Variants in EMILIN1 observed in about 807,000 individuals in gnomAD.
EMILIN1 encodes the protein elastin microfibril interfacer 1, also known as EMILIN-1.
In EMILIN1, 49 loss-of-function variants were observed where a neutral mutation model predicts 82.4. That is an observed-to-expected ratio of 0.59 (90% CI 0.47 to 0.75). The LOEUF is 0.75. EMILIN1 is among the 30% of genes least tolerant of loss of function. EMILIN1 has a pLI of 0.00. For missense variants in EMILIN1, 1,313 were observed against 1,366.4 expected (o/e 0.96, Z 0.62); for synonymous variants, 604 against 602.2 (o/e 1.00, Z -0.04).
chr2:27,084,548 C>T lies in EMILIN1; in HGVS notation c.2557+17C>T. 6.5e-7 allele frequency: 1 copy of T among 1,528,400 alleles called. No homozygotes were observed. The highest frequency in any genetic ancestry group is 9.1e-7 in the Non-Finnish European group (1 of 1,103,260). 94.7% of individuals were successfully genotyped at this position (1,528,400 alleles called of 1,614,324 possible). ...GGCCACCAGGTATGTGCACTGAGAC[C>T]CTTGCTGCAGTCAGGGTTGCCACTG... On this transcript the variant is annotated intron_variant, in intron 5 of 7. Coordinates refer to ENST00000380320, the MANE Select transcript of EMILIN1 (RefSeq NM_007046.4).
chr2:27,083,898 T>A lies in EMILIN1; in HGVS notation c.2327T>A (p.Leu776Gln). 1 of 1,608,758 alleles carries A rather than the reference T, an allele frequency of 6.2e-7. No individual in the cohort carries two copies. Among genetic ancestry groups the A allele is most frequent in the Non-Finnish European group, 8.5e-7 (1 of 1,176,590 alleles). ...NTTSQMQAALLEKLVGGQAGL... is the reference protein window; with the variant it reads ...NTTSQMQAALQEKLVGGQAGL... Reference sequence around the variant, plus strand: ...ACCAGCCAGATGCAGGCAGCCCTGCTGGAGAAGCTGGTCGGGGGACAGGCG... The same window carrying A: ...ACCAGCCAGATGCAGGCAGCCCTGCAGGAGAAGCTGGTCGGGGGACAGGCG... Residue 776 changes from leucine (L) to glutamine (Q), a missense_variant, in exon 4 of 8, where the codon CTG becomes CAG. Leu to Gln is a moderately radical substitution (Grantham distance 113). Coordinates refer to ENST00000380320, the MANE Select transcript of EMILIN1 (RefSeq NM_007046.4).
rs958495780 is a variant in EMILIN1 at position 27,085,072 on chromosome 2, G to A, written c.2575+64G>A. On this transcript the variant is annotated intron_variant, in intron 6 of 7. Coordinates refer to ENST00000380320, the MANE Select transcript of EMILIN1 (RefSeq NM_007046.4). ...TAGGGGTTGGAGGATAGAGGTCCTC[G>A]GGCAGCCCTGGGCTGGGGATCCAGC... 93 of 1,612,530 alleles carry A rather than the reference G, an allele frequency of 5.8e-5. No homozygotes were observed. The East Asian group carries it at 1.4e-3, about 25-fold the overall frequency.
chr2:27,082,015 C>G (rs1669483762), intron 3 of EMILIN1, 68 bp from the exon 4 acceptor site: 14 of 1,474,130 alleles, frequency 9.5e-6, no homozygotes, highest in Non-Finnish European at 1.3e-5. Context: ...CTTGCTGGAG[C>G]TGGGGTGAGC....
At position 27,083,064 on chromosome 2, in the gene EMILIN1, G is replaced by A; in HGVS notation, c.1493G>A (p.Ser498Asn). 6.5e-7 allele frequency: 1 copy of A among 1,546,448 alleles called. No individual in the cohort carries two copies. Residue 498 changes from serine to asparagine, a missense_variant, in exon 4 of 8, where the codon AGT (serine) becomes AAT (asparagine). Coordinates refer to ENST00000380320, the MANE Select transcript of EMILIN1 (RefSeq NM_007046.4). ...EQDSQVSEIL[S>N]ALERRVLDSE... Reference sequence around the variant, plus strand: ...GACTCTCAAGTCAGCGAGATCCTCAGTGCCTTGGAGCGCAGGGTGCTGGAC... The same window carrying A: ...GACTCTCAAGTCAGCGAGATCCTCAATGCCTTGGAGCGCAGGGTGCTGGAC...
chr2:27,080,369 G>A (rs905008497), intron 2 of EMILIN1, 99 bp downstream of exon 2: 4 of 1,485,190 alleles, frequency 2.7e-6, no homozygotes, highest in Admixed American at 3.5e-5. Context: ...AGGGAGCAAG[G>A]GCAGGACAGG....
At position 27,083,842 on chromosome 2, in the gene EMILIN1, G is replaced by T. The variant is rs371696614; in HGVS notation, c.2271G>T (p.Gly757=). The T allele has an allele frequency of 1.4e-5, 23 of 1,603,024 alleles. No homozygotes were observed. The highest frequency in any genetic ancestry group is 2.0e-5 in the Non-Finnish European group (23 of 1,172,038). The change falls in exon 4 of 8, where the codon GGG becomes GGT. Residue 757 remains glycine (G), a synonymous_variant. Transcript: ENST00000380320. ...LREGLSRHVA[G]LWAGLRETNT... is the part of the protein sequence containing the mutation. Reference sequence around the variant, plus strand: ...AGGGCCTTTCCAGACACGTGGCTGGGCTCTGGGCTGGGCTCCGGGAAACCA... The same window carrying T: ...AGGGCCTTTCCAGACACGTGGCTGGTCTCTGGGCTGGGCTCCGGGAAACCA...
chr2:27,081,071 G>A, intron 3 of EMILIN1, 119 bp downstream of exon 3: 1 of 718,794 alleles, frequency 1.4e-6, no homozygotes. Context: ...AGAAGAGAGG[G>A]GCAGAAGGGT....
rs1356739952 is a variant in EMILIN1, at chr2:27,083,640, A to C, written c.2069A>C (p.Asn690Thr). 2 of 1,612,310 alleles carry C rather than the reference A, an allele frequency of 1.2e-6. No homozygotes were observed. The highest frequency in any genetic ancestry group is 1.7e-6 in the Non-Finnish European group (2 of 1,178,574). ...AAGGACCGTATCATTTCTGAGATTA[A>C]CAGGCTGCAGCAGGAGGCCACAGAG... is the stretch of plus-strand genomic sequence containing the variant. ...ATKDRIISEI[N>T]RLQQEATEHA... The change falls in exon 4 of 8, where the codon AAC becomes ACC. Residue 690 changes from asparagine (N) to threonine (T), a missense_variant. Physicochemically the swap from Asn to Thr is moderately conservative, Grantham distance 65 (BLOSUM62 0). Coordinates refer to ENST00000380320, the MANE Select transcript of EMILIN1 (RefSeq NM_007046.4).
Position 27,081,019 on chromosome 2 carries a change from G to A in EMILIN1, c.511+67G>A, listed in dbSNP as rs183419365. On this transcript the variant is annotated intron_variant, in intron 3 of 7. Transcript: ENST00000380320. ...GTGATCCAATGCAATGGGAAATGTG[G>A]GGCCAGGCTGCTGGGGGAGTCCCCC... The A allele has an allele frequency of 5.0e-5, 63 of 1,257,082 alleles. No homozygotes were observed. The African/African-American group carries it at 7.7e-4, about 15-fold the overall frequency. The allele number at this position is 1,257,082 out of a possible 1,614,324, so 77.9% of individuals were successfully genotyped here.
At position 27,085,846 on chromosome 2, in the gene EMILIN1, GCCAGC is replaced by G; in HGVS notation, c.2890_2894del (p.Ser964GlyfsTer49). 6.2e-7 allele frequency: 1 copy of G among 1,608,876 alleles called. No individual in the cohort carries two copies. The highest frequency in any genetic ancestry group is 8.5e-7 in the Non-Finnish European group (1 of 1,178,026). Reference sequence around the variant, plus strand: ...CTGGAGAATAAGCCGGTGGCCGAGAGCCAGCCCAGCCCGGGCACCCTGGGCGTCTT... The same window carrying G: ...CTGGAGAATAAGCCGGTGGCCGAGAGCCAGCCCGGGCACCCTGGGCGTCTT... On this transcript the variant is annotated frameshift_variant, in exon 8 of 8. Coordinates refer to ENST00000380320, the MANE Select transcript of EMILIN1 (RefSeq NM_007046.4). LOFTEE classifies it high-confidence loss of function.
chr2:27,080,310 T>C lies in EMILIN1; in HGVS notation c.290+40T>C, dbSNP rs1182119529. 1.9e-6 allele frequency: 3 copies of C among 1,609,994 alleles called. No homozygotes were observed. The African/African-American group carries it at 4.0e-5, about 21-fold the overall frequency. The stretch of plus-strand genomic sequence containing the variant: ...CGGGCAACGGGCCCTTGGTGGGAAC[T>C]GGGCGAGGGCAGATGGTGGGTGGCT... On this transcript the variant is annotated intron_variant, in intron 2 of 7. Coordinates refer to ENST00000380320, the MANE Select transcript of EMILIN1 (RefSeq NM_007046.4).
chr2:27,080,937 G>A lies in EMILIN1; in HGVS notation c.496G>A (p.Gly166Arg). 4 of 1,590,190 alleles carry A rather than the reference G, an allele frequency of 2.5e-6. No individual in the cohort carries two copies. The highest frequency in any genetic ancestry group is 3.4e-6 in the Non-Finnish European group (4 of 1,167,400). The change falls in exon 3 of 8, where the codon GGA (glycine) becomes AGA (arginine). Residue 166 changes from glycine (G) to arginine (R), a missense_variant. Coordinates refer to ENST00000380320, the MANE Select transcript of EMILIN1 (RefSeq NM_007046.4). ...CTCCAGTGCAGGCAGCCCCCTCAGT[G>A]GACTGGGGGGAGAAGGTGAGTGTGG... is the stretch of plus-strand genomic sequence containing the variant. ...SGSSAGSPLS[G>R]LGGEGPGESE...
Position 27,079,007 on chromosome 2 carries a change from C to G in EMILIN1, c.-59C>G. 3.7e-6 allele frequency: 5 copies of G among 1,355,032 alleles called. No homozygotes were observed. The highest frequency in any genetic ancestry group is 4.9e-6 in the Non-Finnish European group (5 of 1,016,478). 83.9% of individuals were successfully genotyped at this position (1,355,032 alleles called of 1,614,324 possible). Reference sequence around the variant, plus strand: ...GGAGCAGCAGCATCCCCGGGGCCGGCAGAGGCGCCAGTGGCTGGGCGGGAT... The same window carrying G: ...GGAGCAGCAGCATCCCCGGGGCCGGGAGAGGCGCCAGTGGCTGGGCGGGAT... On this transcript the variant is annotated 5_prime_UTR_variant, in exon 1 of 8. Coordinates refer to ENST00000380320, the MANE Select transcript of EMILIN1 (RefSeq NM_007046.4).
At chr2:27,080,652 G>A (rs1224450101) in intron 2 of EMILIN1, 80 bp from the exon 3 acceptor site, 2 of 1,230,708 alleles carry the variant, frequency 1.6e-6, no homozygotes, top group African/African-American at 1.5e-5. Context: ...CCCACCAGCA[G>A]CTGCCCACCC....
chr2:27,085,630 G>C, intron 7 of EMILIN1, 48 bp from the exon 8 acceptor site: 1 of 1,517,400 alleles, frequency 6.6e-7, no homozygotes, highest in Non-Finnish European at 9.0e-7. Context: ...GTTCTGGTGC[G>C]CTCCCCGGAG....
rs573129536 is a variant in EMILIN1 at position 27,078,929 on chromosome 2, G to A, written c.-137G>A. 85 of 602,764 alleles carry A rather than the reference G, an allele frequency of 1.4e-4. 1 individual carries two copies. The highest frequency in any genetic ancestry group is 1.0e-3 in the South Asian group (43 of 42,978). The allele number at this position is 602,764 out of a possible 1,614,324, so 37.3% of individuals were successfully genotyped here. On this transcript the variant is annotated 5_prime_UTR_variant, in exon 1 of 8. Transcript: ENST00000380320. ...GCAGCCAAGGAGAAGACGTGTGGCC[G>A]GGGGCTATCAGAAGGAAACTGGGAC...
At chr2:27,081,641 A>G (rs1669478433) in intron 3 of EMILIN1, among the ~76,000 whole-genome samples, 1 of 152,092 alleles carries the variant, frequency 6.6e-6, no homozygotes, top group South Asian at 2.1e-4. Flanking sequence ...GCCCCTCTTG[A>G]CAGCCCCATG....
In EMILIN1 at chr2:27,086,061, G is replaced by A; in HGVS notation, c.*46G>A. ...GTCTACGTCGGCTGAAGAGACAGCG[G>A]GGGCGGCGGGCTCCTGGGGTCTCGC... is the stretch of plus-strand genomic sequence containing the variant. On this transcript the variant is annotated 3_prime_UTR_variant, in exon 8 of 8. Coordinates refer to ENST00000380320, the MANE Select transcript of EMILIN1 (RefSeq NM_007046.4). The A allele has an allele frequency of 7.4e-7, 1 of 1,356,616 alleles. No homozygotes were observed. The highest frequency in any genetic ancestry group is 1.7e-5 in the South Asian group (1 of 57,154). The allele number at this position is 1,356,616 out of a possible 1,614,324, so 84.0% of individuals were successfully genotyped here. A position where few individuals can be genotyped will look rare whatever the true frequency, so the allele number is the denominator to read the frequency against.
rs1446610490 is a variant in EMILIN1, at chr2:27,083,248, G to A, written c.1677G>A (p.Arg559=). 8 of 1,612,444 alleles carry A rather than the reference G, an allele frequency of 5.0e-6. No individual in the cohort carries two copies. The highest frequency in any genetic ancestry group is 2.2e-5 in the East Asian group (1 of 44,826). Residue 559 remains arginine (R), a synonymous_variant, in exon 4 of 8, where the codon CGG becomes CGA. Transcript: ENST00000380320. The part of the protein sequence containing the change: ...QDETAAEFTL[R]LNLTAARLGQ... ...AGACAGCTGCAGAGTTCACACTACG[G>A]CTGAATCTCACTGCGGCCCGGCTAG...
Sources: gnomAD v4.1 joint callset for allele counts (sites outside exome capture counted in the v4.1 genomes callset) on GRCh38, gnomAD v4.1.1 for gene constraint, MANE v1.5 for transcripts, NCBI Gene and HGNC (gene_info 2026-07-23, HGNC 2026-07-21) for gene names.